The following KANK1 variants were observed in gnomAD, a reference collection of about 807,000 sequenced individuals.
The protein encoded by KANK1 is KN motif and ankyrin repeat domains 1.
A neutral mutation model predicts 106.2 loss-of-function variants in KANK1; 109 were observed. The observed-to-expected ratio is 1.03, with a 90% CI of 0.88 to 1.20. The LOEUF is 1.20. Ranked by LOEUF, KANK1 falls within the 50% of genes most tolerant of loss-of-function variation. KANK1 has a pLI of 0.00. For missense variants in KANK1, 2,399 were observed against 1,710.7 expected (o/e 1.40, Z -7.10); for synonymous variants, 873 against 652.2 (o/e 1.34, Z -5.16).
Position 710,807 on chromosome 9 carries a change from A to G in KANK1, c.41A>G (p.Lys14Arg). 6.3e-7 allele frequency: 1 copy of G among 1,575,508 alleles called. No homozygotes were observed. Residue 14 changes from lysine to arginine, a missense_variant, in exon 3 of 12, where the codon AAA (lysine) becomes AGA (arginine). Lys to Arg is a conservative substitution (Grantham distance 26). Transcript: ENST00000382297. Reference protein sequence around the residue: ...TTKVNGSASGKAGDILSGDQD... With the variant: ...TTKVNGSASGRAGDILSGDQD... ...TATTCTTTTCTCCCTCTTCTAGGAA[A>G]AGCAGGTGATATTCTCAGTGGAGAC...
intron 1 of KANK1, among the ~76,000 whole-genome samples, chr9:662,951 C>T (rs1434803121): frequency 1.3e-5 from 2 of 152,160 alleles, no homozygotes. Flanking sequence ...CGTGAGCCAC[C>T]ACGCCAGGCC....
intron 3 of KANK1, among the ~76,000 whole-genome samples, chr9:728,539 T>G (rs1162595508): frequency 6.6e-6 from 1 of 152,208 alleles, no homozygotes; most frequent in East Asian, 1.9e-4. Flanking sequence ...GGCTGTCTCT[T>G]GTGGGGAATA....
At chr9:564,921 A>G (rs1294376265) in intron 1 of KANK1, among the ~76,000 whole-genome samples, 2 of 152,210 alleles carry the variant, frequency 1.3e-5, no homozygotes, top group Admixed American at 1.3e-4. Context: ...TGAAGTGGGA[A>G]ATGAAGACAC....
At chr9:519,666 C>G (rs72705668) in intron 1 of KANK1, among the ~76,000 whole-genome samples, 2,682 of 151,838 alleles carry the variant, frequency 0.018, 188 homozygotes, top group African/African-American at 0.061. Flanking sequence ...TGCCAGGAGA[C>G]TGGTATGCCA....
rs147143739 is a variant in KANK1 at position 720,180 on chromosome 9, G to A, written c.2698+6716G>A. ...TCATGCTTTATTGGTGTTTATGGCT[G>A]TTATAAGTTTGAGTTAATGATAGAA... On this transcript the variant is annotated intron_variant, in intron 3 of 11. Coordinates refer to ENST00000382297, the MANE Select transcript of KANK1 (RefSeq NM_015158.5). 3.5e-4 allele frequency among the ~76,000 whole-genome samples: 54 copies of A among 152,284 alleles called. 1 individual carries two copies. The East Asian group carries it at 5.0e-3, about 14-fold the overall frequency.
chr9:732,847 T>G (rs1475335242), intron 6 of KANK1: 2 of 382,560 alleles, frequency 5.2e-6, no homozygotes, highest in Non-Finnish European at 9.4e-6. Context: ...AAACCTTAAC[T>G]CTGCTATATA....
At chr9:684,234 A>T (rs1034865508) in intron 2 of KANK1, 1 of 985,402 alleles carries the variant, frequency 1.0e-6, no homozygotes, top group Non-Finnish European at 1.2e-6. Context: ...ACAGGCGATT[A>T]GCTCTCCAGC....
chr9:513,834 T>A (rs2059138549), intron 1 of KANK1, among the ~76,000 whole-genome samples: 1 of 152,088 alleles, frequency 6.6e-6, no homozygotes, highest in African/African-American at 2.4e-5. Context: ...ATAGCCAACA[T>A]GGCAAAACCC....
intron 1 of KANK1, among the ~76,000 whole-genome samples, chr9:668,031 C>G (rs1391967333): frequency 6.6e-6 from 1 of 152,074 alleles, no homozygotes; most frequent in Non-Finnish European, 1.5e-5. Context: ...ACACCTAGCC[C>G]AAAATTCCTC....
intron 1 of KANK1, among the ~76,000 whole-genome samples, chr9:612,063 A>G (rs1197995095): frequency 6.6e-6 from 1 of 152,210 alleles, no homozygotes; most frequent in Non-Finnish European, 1.5e-5. Flanking sequence ...ATAAAAGTAC[A>G]TTTAAAAATA....
chr9:745,027 C>G, intron 11 of KANK1, 146 bp from the exon 12 acceptor site: 1 of 1,513,054 alleles, frequency 6.6e-7, no homozygotes, highest in Non-Finnish European at 8.8e-7. Flanking sequence ...CTGTGGACAC[C>G]TGTTCCCTGT....
intron 3 of KANK1, among the ~76,000 whole-genome samples, chr9:723,714 G>T (rs1470943258): frequency 6.6e-6 from 1 of 152,082 alleles, no homozygotes; most frequent in African/African-American, 2.4e-5. Flanking sequence ...AGAACCTATG[G>T]ATTAAAAGAC....
chr9:592,376 T>G (rs1245836439), intron 1 of KANK1, among the ~76,000 whole-genome samples: 1 of 151,808 alleles, frequency 6.6e-6, no homozygotes, highest in Non-Finnish European at 1.5e-5. Flanking sequence ...CCCACAAGTG[T>G]GTTGACTCAA....
chr9:695,190 T>C lies in KANK1; in HGVS notation c.38-15614T>C, dbSNP rs567193792. ...GGCAGGCCATTCAGGACGACTACCC[T>C]GGAGGTGCTCTGGGTGGCTTAAAGC... On this transcript the variant is annotated intron_variant, in intron 2 of 11. Transcript: ENST00000382297. 2.0e-5 allele frequency among the ~76,000 whole-genome samples: 3 copies of C among 152,258 alleles called. No individual in the cohort carries two copies. The South Asian group carries it at 6.2e-4, about 32-fold the overall frequency.
chr9:729,750 G>C (rs914883535), intron 3 of KANK1, among the ~76,000 whole-genome samples: 2 of 151,890 alleles, frequency 1.3e-5, no homozygotes, highest in African/African-American at 4.9e-5. Context: ...CATTGTGCCA[G>C]AGTGGAAGTA....
chr9:493,704 C>G (rs1274461088), intron 3 of KANK1, among the ~76,000 whole-genome samples: 3 of 150,432 alleles, frequency 2.0e-5, no homozygotes, highest in African/African-American at 7.4e-5. Context: ...CACACCACCA[C>G]GCCTGGCTAA....
intron 1 of KANK1, among the ~76,000 whole-genome samples, chr9:667,599 C>G (rs980311551): frequency 6.6e-6 from 1 of 151,752 alleles, no homozygotes; most frequent in African/African-American, 2.4e-5. Flanking sequence ...TTACTGTATC[C>G]CATAGATTTG....
intron 1 of KANK1, among the ~76,000 whole-genome samples, chr9:564,133 C>G (rs1346996063): frequency 6.6e-6 from 1 of 151,234 alleles, no homozygotes; most frequent in Non-Finnish European, 1.5e-5. Flanking sequence ...AATCTCGGCT[C>G]ACTGCAAGCT....
chr9:710,639 ACAAAAAAAAC>A (rs1825758893), intron 2 of KANK1, among the ~76,000 whole-genome samples, 155 bp from the exon 3 acceptor site: 1 of 93,826 alleles, frequency 1.1e-5, no homozygotes, highest in African/African-American at 8.2e-5. Context: ...ACAAAAAAAA[ACAAAAAAAAC>A]TTGCTTACCC....
Sources: gnomAD v4.1 joint callset for allele counts (sites outside exome capture counted in the v4.1 genomes callset) on GRCh38, gnomAD v4.1.1 for gene constraint, MANE v1.5 for transcripts, NCBI Gene and HGNC (gene_info 2026-07-23, HGNC 2026-07-21) for gene names.